Variants in LRRC8B observed in about 807,000 individuals in gnomAD.
The protein encoded by LRRC8B is volume-regulated anion channel subunit LRRC8B.
A neutral mutation model predicts 58.8 loss-of-function variants in LRRC8B; 23 were observed. That is an observed-to-expected ratio of 0.39 (90% CI 0.28 to 0.55). The LOEUF is 0.55. Ranked by LOEUF, LRRC8B falls within the 20% of genes least tolerant of loss-of-function variation. The pLI is 0.62. For synonymous variants in LRRC8B, 359 were observed against 374.1 expected, an observed-to-expected ratio of 0.96 and a Z score of 0.47; for missense variants, 694 against 936.0, an observed-to-expected ratio of 0.74 and a Z score of 3.37.
intron 1 of LRRC8B, among the ~76,000 whole-genome samples, chr1:89,545,161 A>C (rs1485555312): frequency 6.6e-6 from 1 of 152,132 alleles, no homozygotes; most frequent in African/African-American, 2.4e-5. Context: ...GCACTATCAC[A>C]TTCCCTTTTT....
At chr1:89,536,863 G>A (rs966795858) in intron 1 of LRRC8B, among the ~76,000 whole-genome samples, 3 of 152,066 alleles carry the variant, frequency 2.0e-5, no homozygotes, top group Non-Finnish European at 4.4e-5. Flanking sequence ...ACCTCAGAGG[G>A]TACTTTTAAT....
Position 89,597,845 on chromosome 1 carries a change from A to T in LRRC8B, c.*4802A>T, listed in dbSNP as rs915978233. 1.1e-4 allele frequency: 16 copies of T among 152,204 alleles called. No homozygotes were observed. The highest frequency in any genetic ancestry group is 1.4e-4 in the African/African-American group (6 of 41,452). 9.4% of individuals were successfully genotyped at this position (152,204 alleles called of 1,614,324 possible). On this transcript the variant is annotated 3_prime_UTR_variant, in exon 6 of 6. Transcript: ENST00000330947. ...ATTTTTATAACAAATGGCAAATAAAAACAGTAAATGCTGGAAGAAGTTGAC... is the reference window on the plus strand; with the variant it reads ...ATTTTTATAACAAATGGCAAATAAATACAGTAAATGCTGGAAGAAGTTGAC...
At chr1:89,567,506 GTTCAA>G (rs1653131222) in intron 1 of LRRC8B, among the ~76,000 whole-genome samples, 1 of 152,136 alleles carries the variant, frequency 6.6e-6, no homozygotes, top group Non-Finnish European at 1.5e-5. Flanking sequence ...GCTGAAAAAT[GTTCAA>G]TTCAACTCAA....
At chr1:89,586,047 A>G (rs1463230111) in intron 5 of LRRC8B, among the ~76,000 whole-genome samples, 3 of 152,208 alleles carry the variant, frequency 2.0e-5, no homozygotes, top group Admixed American at 2.0e-4. Context: ...GAGAGAGTCC[A>G]TTGTTAGATA....
chr1:89,576,617 A>T (rs1415939698), intron 3 of LRRC8B, among the ~76,000 whole-genome samples: 1 of 152,204 alleles, frequency 6.6e-6, no homozygotes, highest in Non-Finnish European at 1.5e-5. Context: ...CCTACCTTAC[A>T]AATTGGCAAC....
intron 1 of LRRC8B, among the ~76,000 whole-genome samples, chr1:89,553,607 T>G (rs1311073973): frequency 6.6e-6 from 1 of 152,182 alleles, no homozygotes; most frequent in Non-Finnish European, 1.5e-5. Flanking sequence ...CAAATCAAAT[T>G]TATTTCTCTT....
intron 1 of LRRC8B, among the ~76,000 whole-genome samples, chr1:89,535,219 C>A (rs1650442777): frequency 6.6e-6 from 1 of 152,048 alleles, no homozygotes; most frequent in South Asian, 2.1e-4. Context: ...AATAAGACTC[C>A]CAAAACCCCA....
At chr1:89,545,229 CTTCTTGTTG>C in intron 1 of LRRC8B, among the ~76,000 whole-genome samples, 1 of 152,152 alleles carries the variant, frequency 6.6e-6, no homozygotes, top group African/African-American at 2.4e-5. Flanking sequence ...ACCAATAGCT[CTTCTTGTTG>C]TCTAGTGATA....
intron 3 of LRRC8B, chr1:89,572,430 A>C (rs998887975): frequency 2.6e-5 from 4 of 152,212 alleles, no homozygotes; most frequent in Admixed American, 2.6e-4. Context: ...TGATACCCTG[A>C]AATATGTTTT....
At chr1:89,560,050 C>T (rs1652502295) in intron 1 of LRRC8B, among the ~76,000 whole-genome samples, 1 of 152,212 alleles carries the variant, frequency 6.6e-6, no homozygotes, top group South Asian at 2.1e-4. Flanking sequence ...GAAGTAGAGA[C>T]TCTATCAATC....
chr1:89,583,525 A>C lies in LRRC8B; in HGVS notation c.875A>C (p.Asp292Ala). The C allele has an allele frequency of 6.2e-7, 1 of 1,613,130 alleles. No homozygotes were observed. Among genetic ancestry groups the C allele is most frequent in the Non-Finnish European group, 8.5e-7 (1 of 1,180,024 alleles). ...HITLEIDCSV[D>A]VQAFTGYKRY... ...ACTCTTGAAATCGACTGTTCAGTTG[A>C]TGTGCAGGCTTTTACAGGATATAAG... is the stretch of plus-strand genomic sequence containing the variant. Residue 292 changes from aspartate to alanine, a missense_variant, in exon 5 of 6, where the codon GAT (aspartate) becomes GCT (alanine). Physicochemically the swap from Asp to Ala is moderately radical, Grantham distance 126. Transcript: ENST00000330947. The surrounding 1 kb of genome is among the most constrained non-coding windows in gnomAD (Gnocchi z 5.2).
At position 89,583,125 on chromosome 1, in the gene LRRC8B, T is replaced by C; in HGVS notation, c.475T>C (p.Cys159Arg). The change falls in exon 5 of 6, where the codon TGC becomes CGC. Residue 159 changes from cysteine to arginine, a missense_variant. This residue lies in a region of LRRC8B where 316 missense variants were observed against 403.8 expected (regional missense o/e 0.78). Transcript: ENST00000330947. This position sits in a 1 kb window ranked among gnomAD's most constrained non-coding sequence, Gnocchi z 5.2. ...GCATTTTGTGGCCATCCTTCACAAGTGCTTCGATTCTCCATGGACCACCCG... is the reference window on the plus strand; with the variant it reads ...GCATTTTGTGGCCATCCTTCACAAGCGCTTCGATTCTCCATGGACCACCCG... ...LEHFVAILHK[C>R]FDSPWTTRAL... The C allele has an allele frequency of 6.2e-7, 1 of 1,614,130 alleles. No individual in the cohort carries two copies. The highest frequency in any genetic ancestry group is 8.5e-7 in the Non-Finnish European group (1 of 1,180,038).
rs1649514593 is a variant in LRRC8B, at chr1:89,524,834, C to T, written c.-429C>T. 6.6e-6 allele frequency: 1 copy of T among 152,300 alleles called. No individual in the cohort carries two copies. The highest frequency in any genetic ancestry group is 2.4e-5 in the African/African-American group (1 of 41,468). The allele number at this position is 152,300 out of a possible 1,614,324, so 9.4% of individuals were successfully genotyped here. On this transcript the variant is annotated 5_prime_UTR_variant, in exon 1 of 6. Transcript: ENST00000330947. ...GTTCGCGCCGCCGAGCGCCCATTGG[C>T]CAGCGGAACGCGTCGCGTCACAATG... is the stretch of plus-strand genomic sequence containing the variant.
At chr1:89,528,398 T>C (rs1479655814) in intron 1 of LRRC8B, among the ~76,000 whole-genome samples, 4 of 152,236 alleles carry the variant, frequency 2.6e-5, no homozygotes, top group Non-Finnish European at 5.9e-5. Flanking sequence ...TTCCTTATTT[T>C]CTTCTGTCAA....
chr1:89,582,514 C>T lies in LRRC8B; in HGVS notation c.-26-111C>T, dbSNP rs1370730658. On this transcript the variant is annotated intron_variant, in intron 4 of 5. Transcript: ENST00000330947. ...AATCAGCTCTTCCTTTTAGGTTTTACCCCAGAGCTAAATCCTACTTGGGAA... is the reference window on the plus strand; with the variant it reads ...AATCAGCTCTTCCTTTTAGGTTTTATCCCAGAGCTAAATCCTACTTGGGAA... The T allele has an allele frequency of 1.7e-5, 11 of 660,988 alleles. No homozygotes were observed. In the Admixed American group the frequency reaches 2.2e-4, roughly 13 times the overall value. 40.9% of individuals were successfully genotyped at this position (660,988 alleles called of 1,614,324 possible).
At chr1:89,543,893 T>C (rs1488004464) in intron 1 of LRRC8B, among the ~76,000 whole-genome samples, 1 of 152,002 alleles carries the variant, frequency 6.6e-6, no homozygotes, top group Non-Finnish European at 1.5e-5. Flanking sequence ...GCTCAGGCTA[T>C]CCTCCTGCCT....
At chr1:89,582,330 G>A (rs1654290303) in intron 4 of LRRC8B, among the ~76,000 whole-genome samples, 1 of 152,210 alleles carries the variant, frequency 6.6e-6, no homozygotes, top group Non-Finnish European at 1.5e-5. Flanking sequence ...AGCCTAGCCT[G>A]GAGTTGAGAT....
intron 1 of LRRC8B, among the ~76,000 whole-genome samples, chr1:89,540,502 A>G (rs147467756): frequency 6.6e-6 from 1 of 152,348 alleles, no homozygotes; most frequent in East Asian, 1.9e-4. Flanking sequence ...CACACAGTGT[A>G]ACCTTCCCCA....
At position 89,583,336 on chromosome 1, in the gene LRRC8B, A is replaced by G; in HGVS notation, c.686A>G (p.Lys229Arg). 2 of 1,614,230 alleles carry G rather than the reference A, an allele frequency of 1.2e-6. No homozygotes were observed. Among genetic ancestry groups the G allele is most frequent in the Non-Finnish European group, 1.7e-6 (2 of 1,180,036 alleles). The change falls in exon 5 of 6, where the codon AAG becomes AGG. Residue 229 changes from lysine to arginine, a missense_variant. Coordinates refer to ENST00000330947, the MANE Select transcript of LRRC8B (RefSeq NM_001369817.2). This position sits in a 1 kb window ranked among gnomAD's most constrained non-coding sequence, Gnocchi z 5.2. ...CCAACTTCCAGTGTCCTGGACAAGA[A>G]GGAGGGTGAACAGGCCAAAGCCATC... ...ESPTSSVLDK[K>R]EGEQAKAIFE...
Sources: allele counts gnomAD v4.1 joint callset (sites outside exome capture counted in the v4.1 genomes callset), GRCh38; gene constraint gnomAD v4.1.1; regional missense constraint gnomAD v4.1.1; non-coding constraint Gnocchi (gnomAD v3.1); transcripts MANE v1.5; gene names NCBI Gene and HGNC (gene_info 2026-07-23, HGNC 2026-07-21).